The following CDC20B variants were observed in gnomAD, a reference collection of about 807,000 sequenced individuals.
CDC20B encodes cell division cycle 20B.
Under a neutral mutation model 64.1 loss-of-function variants are expected in CDC20B, and 58 were observed. That is an observed-to-expected ratio of 0.90 (90% CI 0.73 to 1.13). CDC20B has a LOEUF of 1.13. Among genes scored for constraint, CDC20B ranks in the 50% most tolerant of loss-of-function variants. The pLI is 0.00. For synonymous variants in CDC20B, 243 were observed against 230.6 expected (o/e 1.05, Z -0.49); for missense variants, 597 against 633.0 (o/e 0.94, Z 0.61).
rs773669053 is a variant in CDC20B, at chr5:55,146,608, T to G, written c.355+20A>C. On this transcript the variant is annotated intron_variant, in intron 3 of 11. Transcript: ENST00000381375. ...TTATTCACGTTGCAAAACGGGGCTG[T>G]GGCGTTTGGGGCACCTCACCTAGAG... 6.4e-7 allele frequency: 1 copy of G among 1,572,558 alleles called. No homozygotes were observed. The highest frequency in any genetic ancestry group is 1.4e-5 in the African/African-American group (1 of 73,932).
chr5:55,122,968 G>C (rs1361859998), intron 9 of CDC20B, among the ~76,000 whole-genome samples: 1 of 152,148 alleles, frequency 6.6e-6, no homozygotes, highest in Non-Finnish European at 1.5e-5. Context: ...AATGATTATT[G>C]TTTTAAGCCA....
At chr5:55,156,672 ATGACCAGCC>A (rs963118315) in intron 2 of CDC20B, among the ~76,000 whole-genome samples, 3 of 152,102 alleles carry the variant, frequency 2.0e-5, no homozygotes, top group African/African-American at 7.2e-5. Flanking sequence ...TCAGGAGTTC[ATGACCAGCC>A]TGACTAATAT....
intron 9 of CDC20B, among the ~76,000 whole-genome samples, chr5:55,122,930 T>C (rs1188161044): frequency 2.0e-5 from 3 of 152,188 alleles, no homozygotes; most frequent in Non-Finnish European, 4.4e-5. Context: ...CCCAGAATCC[T>C]TACCCAGGAA....
At chr5:55,119,732 G>A (rs1742710764) in intron 11 of CDC20B, 69 bp downstream of exon 11, 1 of 957,094 alleles carries the variant, frequency 1.0e-6, no homozygotes, top group Non-Finnish European at 1.7e-6. Flanking sequence ...CTTTCATTCA[G>A]GGCTTTTCCC....
rs774874806 is a variant in CDC20B at position 55,140,425 on chromosome 5, T to TA, written c.487-19dup. 1 of 1,535,782 alleles carries TA rather than the reference T, an allele frequency of 6.5e-7. No homozygotes were observed. Among genetic ancestry groups the TA allele is most frequent in the Non-Finnish European group, 9.0e-7 (1 of 1,112,944 alleles). ...AGGCATTTCTGAAAATAAACACACA[T>TA]AAGGAGAATATTTCTTTAAAAACAT... On this transcript the variant is annotated intron_variant, in intron 4 of 11. Coordinates refer to ENST00000381375, the MANE Select transcript of CDC20B (RefSeq NM_001170402.1).
chr5:55,123,762 G>C (rs1026510247), intron 9 of CDC20B, among the ~76,000 whole-genome samples: 1 of 152,126 alleles, frequency 6.6e-6, no homozygotes, highest in African/African-American at 2.4e-5. Flanking sequence ...TTTGTATGTT[G>C]TTTTCAGACA....
At chr5:55,157,412 A>G (rs1743845868) in intron 2 of CDC20B, among the ~76,000 whole-genome samples, 1 of 152,242 alleles carries the variant, frequency 6.6e-6, no homozygotes, top group South Asian at 2.1e-4. Flanking sequence ...CAAGTTCTCC[A>G]AAGTGCTGTC....
chr5:55,121,066 T>C (rs1742742865), intron 9 of CDC20B, among the ~76,000 whole-genome samples: 1 of 152,224 alleles, frequency 6.6e-6, no homozygotes, highest in African/African-American at 2.4e-5. Context: ...AATTGCCTTC[T>C]ATTTATTTAT....
intron 2 of CDC20B, among the ~76,000 whole-genome samples, chr5:55,163,016 A>C (rs1281870895): frequency 6.6e-6 from 1 of 152,174 alleles, no homozygotes; most frequent in Non-Finnish European, 1.5e-5. Context: ...GATGATAATA[A>C]TACCCACCTC....
At chr5:55,130,450 C>T (rs1402518459) in intron 6 of CDC20B, among the ~76,000 whole-genome samples, 2 of 152,108 alleles carry the variant, frequency 1.3e-5, no homozygotes, top group South Asian at 2.1e-4. Flanking sequence ...AACAAGGTGA[C>T]CATGGGGTTC....
chr5:55,139,529 G>A (rs1743271749), intron 5 of CDC20B, among the ~76,000 whole-genome samples: 1 of 152,070 alleles, frequency 6.6e-6, no homozygotes, highest in African/African-American at 2.4e-5. Flanking sequence ...AATATTAATG[G>A]TGTCATAGTT....
chr5:55,130,425 T>C (rs1743001011), intron 6 of CDC20B, among the ~76,000 whole-genome samples: 1 of 152,100 alleles, frequency 6.6e-6, no homozygotes, highest in African/African-American at 2.4e-5. Flanking sequence ...TAGAGTCAGG[T>C]CTTAGAAGCA....
chr5:55,133,438 T>C lies in CDC20B; in HGVS notation c.671A>G (p.His224Arg), dbSNP rs899959826. Residue 224 changes from histidine (H) to arginine (R), a missense_variant, in exon 6 of 12, where the codon CAT becomes CGT. Physicochemically the swap from His to Arg is conservative, Grantham distance 29. Transcript: ENST00000381375. The part of the protein sequence containing the change: ...DSILQPEVKI[H>R]ITGLRNDYYL... ...GTAGTCATTTCGAAGACCAGTAATA[T>C]GAATCTTCACCTCTGGTTGGAGTAT... 1.3e-6 allele frequency: 2 copies of C among 1,565,540 alleles called. No individual in the cohort carries two copies. The highest frequency in any genetic ancestry group is 1.7e-6 in the Non-Finnish European group (2 of 1,146,514).
intron 8 of CDC20B, among the ~76,000 whole-genome samples, chr5:55,125,766 C>T (rs1742871092): frequency 6.6e-6 from 1 of 152,230 alleles, no homozygotes; most frequent in Non-Finnish European, 1.5e-5. Context: ...TCCAGTGTCG[C>T]ATTGTTTAAA....
chr5:55,172,994 A>C lies in CDC20B; in HGVS notation c.7T>G (p.Trp3Gly). 6.2e-7 allele frequency: 1 copy of C among 1,610,256 alleles called. No homozygotes were observed. The highest frequency in any genetic ancestry group is 1.1e-5 in the South Asian group (1 of 90,104). Reference sequence around the variant, plus strand: ...CGAGGCGCGGTGCGCTCCAGTTTCCACTCCATCTCCGGCTGACTTCGCCCT... The same window carrying C: ...CGAGGCGCGGTGCGCTCCAGTTTCCCCTCCATCTCCGGCTGACTTCGCCCT... ME[W>G]KLERTAPRRV... The change falls in exon 1 of 12, where the codon TGG (tryptophan) becomes GGG (glycine). Residue 3 changes from tryptophan to glycine, a missense_variant. By Grantham distance (184) the Trp-to-Gly change is radical. This residue lies in a region of CDC20B where 241 missense variants were observed against 219.2 expected (regional missense o/e 1.10). Coordinates refer to ENST00000381375, the MANE Select transcript of CDC20B (RefSeq NM_001170402.1).
Position 55,114,365 on chromosome 5 carries a change from G to A in CDC20B, c.1460-47C>T, listed in dbSNP as rs1742577932. On this transcript the variant is annotated intron_variant, in intron 11 of 11. Coordinates refer to ENST00000381375, the MANE Select transcript of CDC20B (RefSeq NM_001170402.1). This position sits in a 1 kb window ranked among gnomAD's most constrained non-coding sequence, Gnocchi z 4.1. ...GTTCATACTCCTCCACGTTACATGG[G>A]CTGCTGCTCAGGACTGTAGGCAATG... 1.9e-6 allele frequency: 3 copies of A among 1,606,430 alleles called. No individual in the cohort carries two copies. Among genetic ancestry groups the A allele is most frequent in the Non-Finnish European group, 2.6e-6 (3 of 1,176,146 alleles).
At chr5:55,142,899 A>G (rs941346363) in intron 4 of CDC20B, among the ~76,000 whole-genome samples, 5 of 152,250 alleles carry the variant, frequency 3.3e-5, no homozygotes, top group African/African-American at 9.6e-5. Flanking sequence ...GAACTGAAAT[A>G]TGGATTCCTT....
chr5:55,117,932 T>C (rs1157124456), intron 11 of CDC20B, among the ~76,000 whole-genome samples: 2 of 152,056 alleles, frequency 1.3e-5, no homozygotes, highest in South Asian at 2.1e-4. Flanking sequence ...CTGGCCAACA[T>C]GGAGAAACCC....
chr5:55,149,898 C>A (rs537677265), intron 2 of CDC20B, among the ~76,000 whole-genome samples: 27 of 152,276 alleles, frequency 1.8e-4, no homozygotes, highest in Admixed American at 1.1e-3. Flanking sequence ...CTTTGGGAGA[C>A]TGAGGTGAGT....
Sources: allele counts gnomAD v4.1 joint callset (sites outside exome capture counted in the v4.1 genomes callset), GRCh38; gene constraint gnomAD v4.1.1; regional missense constraint gnomAD v4.1.1; non-coding constraint Gnocchi (gnomAD v3.1); transcripts MANE v1.5; gene names NCBI Gene and HGNC (gene_info 2026-07-23, HGNC 2026-07-21).